Variants in IL1R2 observed in about 807,000 individuals in gnomAD.
IL1R2 encodes interleukin-1 receptor type 2.
IL1R2 carries 46 observed loss-of-function variants against 39.5 expected under a neutral mutation model. That is an observed-to-expected ratio of 1.16 (90% confidence interval 0.92 to 1.49). The LOEUF is 1.49. Among genes scored for constraint, IL1R2 ranks in the 40% most tolerant of loss-of-function variants. IL1R2 has a pLI of 0.00. For missense variants in IL1R2, 537 were observed against 502.0 expected (o/e 1.07, Z -0.67); for synonymous variants, 207 against 189.6 (o/e 1.09, Z -0.75).
rs1676952734 is a variant in IL1R2 at position 102,015,727 on chromosome 2, C to A, written c.333-144C>A. ...TAAAGTCAAAAAATCCTAAGTTGAA[C>A]CATCTTATGTCGGGAAACCATCTGT... On this transcript the variant is annotated intron_variant, in intron 3 of 8. Coordinates refer to ENST00000332549, the MANE Select transcript of IL1R2 (RefSeq NM_004633.4). 4.6e-6 allele frequency: 3 copies of A among 653,564 alleles called. No individual in the cohort carries two copies. In the East Asian group the frequency reaches 8.2e-5, roughly 18 times the overall value. 40.5% of individuals were successfully genotyped at this position (653,564 alleles called of 1,614,324 possible).
At chr2:102,019,899 G>T in intron 5 of IL1R2, 87 bp downstream of exon 5, 1 of 1,160,744 alleles carries the variant, frequency 8.6e-7, no homozygotes, top group South Asian at 1.5e-5. Flanking sequence ...AGAATTCCTT[G>T]CAGGTCTTTG....
At chr2:102,009,892 G>T in intron 3 of IL1R2, 66 bp downstream of exon 3, 1 of 1,534,992 alleles carries the variant, frequency 6.5e-7, no homozygotes. Flanking sequence ...AGGGTCTTCA[G>T]TCATGATCCG....
At chr2:102,018,897 G>A (rs1269935513) in intron 4 of IL1R2, among the ~76,000 whole-genome samples, 1 of 152,138 alleles carries the variant, frequency 6.6e-6, no homozygotes, top group Admixed American at 6.5e-5. Flanking sequence ...TGAGCCATGT[G>A]GCAATTTCAA....
chr2:102,013,471 C>G (rs1356474365), intron 3 of IL1R2, among the ~76,000 whole-genome samples: 2 of 126,594 alleles, frequency 1.6e-5, no homozygotes, highest in Non-Finnish European at 3.2e-5. Flanking sequence ...CAGTAGCTGC[C>G]TGGGCCTCCT....
chr2:102,024,943 C>T (rs1677642797), intron 7 of IL1R2: 1 of 371,808 alleles, frequency 2.7e-6, no homozygotes, highest in African/African-American at 2.1e-5. Context: ...TTTATTTTCG[C>T]AAGTTAAAAA....
At chr2:102,025,192 A>C (rs530597008) in intron 7 of IL1R2, among the ~76,000 whole-genome samples, 1 of 152,368 alleles carries the variant, frequency 6.6e-6, no homozygotes, top group South Asian at 2.1e-4. Flanking sequence ...AGACTCGAAC[A>C]ATCAGACCTT....
chr2:102,012,099 G>A (rs3218873), intron 3 of IL1R2, among the ~76,000 whole-genome samples: 24,314 of 152,066 alleles, frequency 0.16, 2,278 homozygotes, highest in East Asian at 0.29. Flanking sequence ...TCTTGGCTTC[G>A]TTCTTCTGAA....
intron 3 of IL1R2, among the ~76,000 whole-genome samples, chr2:102,010,802 T>C (rs1676582767): frequency 6.6e-6 from 1 of 152,196 alleles, no homozygotes; most frequent in Non-Finnish European, 1.5e-5. Flanking sequence ...GTTTTTAGTG[T>C]ACAGATCAGT....
chr2:101,995,548 T>C (rs942193715), intron 1 of IL1R2, among the ~76,000 whole-genome samples: 1 of 152,090 alleles, frequency 6.6e-6, no homozygotes, highest in African/African-American at 2.4e-5. Flanking sequence ...CCTACAGCAA[T>C]GTGAGCTAAC....
intron 1 of IL1R2, among the ~76,000 whole-genome samples, chr2:102,008,103 G>A (rs1387308847): frequency 6.6e-6 from 1 of 152,226 alleles, no homozygotes; most frequent in Non-Finnish European, 1.5e-5. Flanking sequence ...AAAACATGGA[G>A]TATTGGGATT....
rs184563311 is a variant in IL1R2, at chr2:102,006,225, G to T, written c.-61-2290G>T. Among the ~76,000 whole-genome samples, 924 of 152,186 alleles carry T rather than the reference G, an allele frequency of 6.1e-3. 27 individuals carry two copies. In the East Asian group the frequency reaches 0.071, roughly 12 times the overall value. On this transcript the variant is annotated intron_variant, in intron 1 of 8. Transcript: ENST00000332549. Reference sequence around the variant, plus strand: ...AGTTGGGGATGTGATAAGCTAATGCGTGTCCAAGGAGGACACAGCAGCTTG... The same window carrying T: ...AGTTGGGGATGTGATAAGCTAATGCTTGTCCAAGGAGGACACAGCAGCTTG...
chr2:102,013,549 A>G, intron 3 of IL1R2, among the ~76,000 whole-genome samples: 1 of 138,708 alleles, frequency 7.2e-6, no homozygotes, highest in South Asian at 2.2e-4. Context: ...AAAAAAAAAA[A>G]AAAGGAAAGA....
At position 102,015,800 on chromosome 2, in the gene IL1R2, G is replaced by T. The variant is rs1676959173; in HGVS notation, c.333-71G>T. 20 of 1,209,254 alleles carry T rather than the reference G, an allele frequency of 1.7e-5. No homozygotes were observed. The South Asian group carries it at 2.3e-4, about 14-fold the overall frequency. 74.9% of individuals were successfully genotyped at this position (1,209,254 alleles called of 1,614,324 possible). On this transcript the variant is annotated intron_variant, in intron 3 of 8. Transcript: ENST00000332549. ...CAGATTTTAATAGAGTTGGGGAAAT[G>T]ATGCTTAATTTCATTTAGCTTTACT...
chr2:102,006,306 G>T (rs942934016), intron 1 of IL1R2, among the ~76,000 whole-genome samples: 3 of 152,214 alleles, frequency 2.0e-5, no homozygotes, highest in Admixed American at 1.3e-4. Flanking sequence ...TAGGGGTAAA[G>T]TCACAGGAAC....
At chr2:102,024,711 G>A (rs368435542) in intron 7 of IL1R2, 43 bp downstream of exon 7, 67 of 1,611,746 alleles carry the variant, frequency 4.2e-5, no homozygotes, top group African/African-American at 5.3e-5. Flanking sequence ...TGTGGGTTTC[G>A]CTCTTCCTTT....
intron 1 of IL1R2, among the ~76,000 whole-genome samples, 200 bp from the exon 2 acceptor site, chr2:102,008,315 A>G (rs1676389767): frequency 6.6e-6 from 1 of 152,244 alleles, no homozygotes; most frequent in Non-Finnish European, 1.5e-5. Context: ...AGGTGCTACA[A>G]GGATTCGACT....
At chr2:101,998,009 C>T (rs995783439) in intron 1 of IL1R2, among the ~76,000 whole-genome samples, 1 of 152,166 alleles carries the variant, frequency 6.6e-6, no homozygotes, top group African/African-American at 2.4e-5. Flanking sequence ...CTGAGGAGGC[C>T]TTTGCTCTCT....
At chr2:101,995,907 C>G (rs1675564245) in intron 1 of IL1R2, among the ~76,000 whole-genome samples, 1 of 152,132 alleles carries the variant, frequency 6.6e-6, no homozygotes, top group Non-Finnish European at 1.5e-5. Context: ...GCAGGCATAG[C>G]AGGAGCAAGT....
intron 6 of IL1R2, among the ~76,000 whole-genome samples, chr2:102,022,536 C>T (rs189442092): frequency 6.6e-6 from 1 of 152,358 alleles, no homozygotes; most frequent in East Asian, 1.9e-4. Context: ...AACGTTCTGG[C>T]AGCAGTTATC....
Sources: allele counts gnomAD v4.1 joint callset (sites outside exome capture counted in the v4.1 genomes callset), GRCh38; gene constraint gnomAD v4.1.1; transcripts MANE v1.5; gene names NCBI Gene and HGNC (gene_info 2026-07-23, HGNC 2026-07-21).